The following MTHFS variants were observed in gnomAD, a reference collection of about 807,000 sequenced individuals.
MTHFS encodes the protein 5-formyltetrahydrofolate cyclo-ligase.
In MTHFS, 7 loss-of-function variants were observed where a neutral mutation model predicts 12.7. The ratio of observed to expected loss-of-function variants is 0.55; its 90% CI spans 0.31 to 1.03. The LOEUF is 1.03. Among genes scored for constraint, MTHFS ranks in the 50% least tolerant of loss-of-function variants. MTHFS has a pLI of 0.05. For synonymous variants in MTHFS, 100 were observed against 97.1 expected, an observed-to-expected ratio of 1.03 and a Z score of -0.18; for missense variants, 252 against 258.1, an observed-to-expected ratio of 0.98 and a Z score of 0.16.
At chr15:79,856,902 C>G (rs2033816472) in intron 2 of MTHFS, among the ~76,000 whole-genome samples, 1 of 151,806 alleles carries the variant, frequency 6.6e-6, no homozygotes, top group Non-Finnish European at 1.5e-5. Context: ...CTCTTAAAAG[C>G]AGTGAAGAAC....
At chr15:79,872,894 G>A in intron 2 of MTHFS, among the ~76,000 whole-genome samples, 1 of 152,156 alleles carries the variant, frequency 6.6e-6, no homozygotes, top group Non-Finnish European at 1.5e-5. Context: ...AGCAAGTCCT[G>A]CTGGTCTGTT....
intron 2 of MTHFS, among the ~76,000 whole-genome samples, chr15:79,850,899 A>T (rs1213233493): frequency 5.3e-5 from 8 of 152,306 alleles, no homozygotes; most frequent in African/African-American, 1.9e-4. Flanking sequence ...ACCGTACAAA[A>T]CATTCTTATT....
rs765953251 is a variant in MTHFS, at chr15:79,896,772, G to C, written c.117+100C>G. 26 of 1,466,072 alleles carry C rather than the reference G, an allele frequency of 1.8e-5. 1 individual carries two copies. The highest frequency in any genetic ancestry group is 1.3e-4 in the African/African-American group (9 of 68,646). 90.8% of individuals were successfully genotyped at this position (1,466,072 alleles called of 1,614,324 possible). ...GCGCCGGGGGGTGGGGGGGCGCCTA[G>C]CCCAGCGCCAGCACGGACCATGCAC... On this transcript the variant is annotated intron_variant, in intron 1 of 2. Coordinates refer to ENST00000258874, the MANE Select transcript of MTHFS (RefSeq NM_006441.4).
Position 79,889,197 on chromosome 15 carries a change from A to G in MTHFS, c.275T>C (p.Met92Thr). 6.2e-7 allele frequency: 1 copy of G among 1,614,204 alleles called. No homozygotes were observed. Among genetic ancestry groups the G allele is most frequent in the South Asian group, 1.1e-5 (1 of 91,086 alleles). The part of the protein sequence containing the change: ...RYRFQSNHMD[M>T]VRIESPEEIS... ...TTCCTCTGGTGATTCTATTCTCACC[A>G]TATCCATGTGATTGCTCTGGAACCG... The change falls in exon 2 of 3, where the codon ATG becomes ACG. Residue 92 changes from methionine to threonine, a missense_variant. Met to Thr is a moderately conservative substitution (Grantham distance 81). Transcript: ENST00000258874.
chr15:79,896,846 G>A, intron 1 of MTHFS, 26 bp downstream of exon 1: 2 of 1,539,890 alleles, frequency 1.3e-6, no homozygotes, highest in Non-Finnish European at 1.7e-6. Context: ...TGTCCGCCGC[G>A]GCTTCCGCTA....
chr15:79,850,110 C>T (rs1236980635), intron 2 of MTHFS, among the ~76,000 whole-genome samples: 1 of 152,244 alleles, frequency 6.6e-6, no homozygotes, highest in Non-Finnish European at 1.5e-5. Flanking sequence ...GTCATGAAAA[C>T]TGTATTAGAT....
chr15:79,855,454 C>T (rs1191436029), intron 2 of MTHFS, among the ~76,000 whole-genome samples: 1 of 152,054 alleles, frequency 6.6e-6, no homozygotes, highest in African/African-American at 2.4e-5. Context: ...CTGTAGGCAA[C>T]CTCTGCTTGT....
rs2033578071 is a variant in MTHFS, at chr15:79,844,695, C to A, written c.*515G>T. On this transcript the variant is annotated 3_prime_UTR_variant, in exon 3 of 3. Coordinates refer to ENST00000258874, the MANE Select transcript of MTHFS (RefSeq NM_006441.4). ...CTAACCACCAAAAGCTACAAAGTGT[C>A]CAACATAAAATTCTAGAGTGGGTAA... Among the ~76,000 whole-genome samples, 1 of 152,050 alleles carries A rather than the reference C, an allele frequency of 6.6e-6. No homozygotes were observed. The highest frequency in any genetic ancestry group is 1.5e-5 in the Non-Finnish European group (1 of 68,012).
chr15:79,869,079 G>T (rs547594887), intron 2 of MTHFS, among the ~76,000 whole-genome samples: 17 of 152,066 alleles, frequency 1.1e-4, no homozygotes, highest in African/African-American at 4.1e-4. Flanking sequence ...AGGAATAAAA[G>T]TAAGTATGTA....
intron 2 of MTHFS, among the ~76,000 whole-genome samples, chr15:79,885,013 C>T (rs1340594562): frequency 6.6e-6 from 1 of 152,200 alleles, no homozygotes; most frequent in East Asian, 1.9e-4. Flanking sequence ...TTTCTCCAGC[C>T]TCCTGAGGAT....
intron 2 of MTHFS, among the ~76,000 whole-genome samples, chr15:79,881,315 C>T (rs2034291037): frequency 6.6e-6 from 1 of 152,140 alleles, no homozygotes; most frequent in Non-Finnish European, 1.5e-5. Flanking sequence ...AGCAGGCTAG[C>T]CCATCTTGGC....
chr15:79,897,065 C>A, upstream of MTHFS: 1 of 1,370,246 alleles, frequency 7.3e-7, no homozygotes, highest in South Asian at 1.5e-5. Context: ...CCTGGCCGCT[C>A]CCAGGTGGAT....
intron 2 of MTHFS, among the ~76,000 whole-genome samples, chr15:79,886,132 C>G (rs934876227): frequency 1.3e-5 from 2 of 152,152 alleles, no homozygotes; most frequent in African/African-American, 4.8e-5. Flanking sequence ...CTTATAATTG[C>G]AACTGAGGAC....
Position 79,845,337 on chromosome 15 carries a change from T to C in MTHFS, c.485A>G (p.Gln162Arg), listed in dbSNP as rs2033591456. The change falls in exon 3 of 3, where the codon CAG (glutamine) becomes CGG (arginine). Residue 162 changes from glutamine to arginine, a missense_variant. By Grantham distance (43) the Gln-to-Arg change is conservative. Coordinates refer to ENST00000258874, the MANE Select transcript of MTHFS (RefSeq NM_006441.4). ...YYDAYLKRCL[Q>R]HQEVKPYTLA... ...GGTGTAGGGCTTCACTTCCTGATGC[T>C]GCAAACAGCGCTTCAGATAGGCATC... The C allele has an allele frequency of 3.1e-6, 5 of 1,614,200 alleles. No homozygotes were observed. The highest frequency in any genetic ancestry group is 1.6e-4 in the Middle Eastern group (1 of 6,062).
At chr15:79,895,382 G>A (rs1232341472) in intron 1 of MTHFS, among the ~76,000 whole-genome samples, 1 of 152,084 alleles carries the variant, frequency 6.6e-6, no homozygotes, top group Non-Finnish European at 1.5e-5. Context: ...CACAACATTG[G>A]TGTTTACCTT....
chr15:79,877,153 AC>A (rs2034212379), intron 2 of MTHFS: 2 of 152,274 alleles, frequency 1.3e-5, no homozygotes, highest in East Asian at 3.9e-4. Flanking sequence ...AGACAGATCT[AC>A]AGAAATTATC....
chr15:79,845,128 T>C lies in MTHFS; in HGVS notation c.*82A>G. ...ATTCACATTAATGAACAATTTCAACTAATTTTTGACAAGGGAAAAATACAC... is the reference window on the plus strand; with the variant it reads ...ATTCACATTAATGAACAATTTCAACCAATTTTTGACAAGGGAAAAATACAC... On this transcript the variant is annotated 3_prime_UTR_variant, in exon 3 of 3. Transcript: ENST00000258874. The C allele has an allele frequency of 6.5e-7, 1 of 1,537,770 alleles. No homozygotes were observed. The highest frequency in any genetic ancestry group is 8.8e-7 in the Non-Finnish European group (1 of 1,135,882).
intron 2 of MTHFS, among the ~76,000 whole-genome samples, chr15:79,871,166 C>A (rs930314764): frequency 6.6e-6 from 1 of 151,972 alleles, no homozygotes; most frequent in African/African-American, 2.4e-5. Flanking sequence ...AGAAAAGGCA[C>A]ATTTAATTTC....
At chr15:79,892,238 G>A (rs1371212503) in intron 1 of MTHFS, among the ~76,000 whole-genome samples, 2 of 152,090 alleles carry the variant, frequency 1.3e-5, no homozygotes, top group Non-Finnish European at 2.9e-5. Context: ...TCAAAAAGCA[G>A]CCCTAACTCA....
Sources: allele counts gnomAD v4.1 joint callset (sites outside exome capture counted in the v4.1 genomes callset), GRCh38; gene constraint gnomAD v4.1.1; transcripts MANE v1.5; gene names NCBI Gene and HGNC (gene_info 2026-07-23, HGNC 2026-07-21).